Variants in DYSF observed in about 807,000 individuals in gnomAD.
DYSF encodes the protein dystrophy-associated fer-1-like 1.
A neutral mutation model predicts 274.9 loss-of-function variants in DYSF; 212 were observed. The observed-to-expected ratio is 0.77, with a 90% CI of 0.69 to 0.86. The LOEUF (loss-of-function observed/expected upper bound fraction) is 0.86, where lower values mean the gene tolerates loss of function less well. Among genes scored for constraint, DYSF ranks in the 40% least tolerant of loss-of-function variants. The pLI is 0.00. For missense variants in DYSF, 2,666 were observed against 2,783.2 expected (o/e 0.96, Z 0.95); for synonymous variants, 1,091 against 1,078.7 (o/e 1.01, Z -0.22).
intron 3 of DYSF, among the ~76,000 whole-genome samples, chr2:71,492,878 TTTTG>T (rs960420851): frequency 3.3e-5 from 5 of 151,998 alleles, no homozygotes; most frequent in Admixed American, 6.6e-5. Context: ...TGCCATACTT[TTTTG>T]TTTGTTTGTT....
chr2:71,490,416 T>G (rs989634633), intron 3 of DYSF, among the ~76,000 whole-genome samples: 1 of 152,210 alleles, frequency 6.6e-6, no homozygotes, highest in African/African-American at 2.4e-5. Flanking sequence ...CTCAGCTCAC[T>G]GCAACCTCCG....
intron 17 of DYSF, among the ~76,000 whole-genome samples, chr2:71,540,125 T>C (rs2089791184): frequency 6.6e-6 from 1 of 151,312 alleles, no homozygotes; most frequent in Non-Finnish European, 1.5e-5. Context: ...TTTTTTTTTT[T>C]TTTTGAGATG....
rs1013326119 is a variant in DYSF, at chr2:71,467,021, C to T, written c.91+88C>T. The stretch of plus-strand genomic sequence containing the variant: ...CGGGTCTGAAGCCCCTGCTCCGGAG[C>T]TAACCCTAGTCCAGGCCACAGTTTC... On this transcript the variant is annotated intron_variant, in intron 1 of 55. Coordinates refer to ENST00000410020, the MANE Select transcript of DYSF (RefSeq NM_001130987.2). 411 of 1,501,610 alleles carry T rather than the reference C, an allele frequency of 2.7e-4. 1 individual carries two copies. Among genetic ancestry groups the T allele is most frequent in the Middle Eastern group, 8.5e-4 (5 of 5,850 alleles). The allele number at this position is 1,501,610 out of a possible 1,614,324, so 93.0% of individuals were successfully genotyped here. A position where few individuals can be genotyped will look rare whatever the true frequency, so the allele number is the denominator to read the frequency against.
chr2:71,505,708 G>A (rs1189062230), intron 4 of DYSF, among the ~76,000 whole-genome samples: 2 of 152,242 alleles, frequency 1.3e-5, no homozygotes. Flanking sequence ...AGGCCATGGG[G>A]ATTTAGGACA....
intron 24 of DYSF, 109 bp downstream of exon 24, chr2:71,564,322 T>C: frequency 6.7e-7 from 1 of 1,491,228 alleles, no homozygotes; most frequent in African/African-American, 1.4e-5. Flanking sequence ...GTTCTTAGGC[T>C]GTGGTCTTGG....
At chr2:71,556,598 T>C (rs2091358180) in intron 22 of DYSF, among the ~76,000 whole-genome samples, 1 of 152,178 alleles carries the variant, frequency 6.6e-6, no homozygotes, top group Admixed American at 6.5e-5. Context: ...TTTTCTCAAC[T>C]TCAACCTGGC....
chr2:71,550,947 G>A (rs2090899878), intron 17 of DYSF, 94 bp from the exon 18 acceptor site: 2 of 1,055,870 alleles, frequency 1.9e-6, no homozygotes, highest in East Asian at 2.4e-5. Flanking sequence ...GGGGAACTGA[G>A]GGCCAGGGGT....
At position 71,620,277 on chromosome 2, in the gene DYSF, C is replaced by T. The variant is rs543202783; in HGVS notation, c.4465-270C>T. ...CCTTGTGCTGGGCGTGCACAGCCTT[C>T]GTCTCATTCATACTCACTGTCGCCC... is the stretch of plus-strand genomic sequence containing the variant. On this transcript the variant is annotated intron_variant, in intron 40 of 55. Coordinates refer to ENST00000410020, the MANE Select transcript of DYSF (RefSeq NM_001130987.2). 1.4e-3 allele frequency among the ~76,000 whole-genome samples: 208 copies of T among 152,306 alleles called. 1 individual carries two copies. Among genetic ancestry groups the T allele is most frequent in the African/African-American group, 4.7e-3 (195 of 41,562 alleles).
At chr2:71,614,660 AG>A (rs910683182) in intron 40 of DYSF, among the ~76,000 whole-genome samples, 1 of 152,172 alleles carries the variant, frequency 6.6e-6, no homozygotes, top group African/African-American at 2.4e-5. Flanking sequence ...GGCTAAGCTC[AG>A]GGGAGCAACT....
chr2:71,571,445 C>A (rs973368787), intron 29 of DYSF, among the ~76,000 whole-genome samples: 1 of 82,342 alleles, frequency 1.2e-5, no homozygotes, highest in African/African-American at 3.8e-5. Flanking sequence ...CAGATCACAC[C>A]CAGCACACAC....
chr2:71,537,463 C>A (rs760830888), intron 16 of DYSF, among the ~76,000 whole-genome samples: 2 of 152,040 alleles, frequency 1.3e-5, no homozygotes, highest in African/African-American at 2.4e-5. Flanking sequence ...CCAGGCTGGT[C>A]TTGAACTCCT....
At position 71,570,589 on chromosome 2, in the gene DYSF, C is replaced by T. The variant is rs894186211; in HGVS notation, c.3086-10C>T. On this transcript the variant is annotated splice_polypyrimidine_tract_variant and intron_variant, in intron 28 of 55. Transcript: ENST00000410020. ...GCCAAGCAATGAGTGACCGGTTCCC[C>T]CTCCCCCAGGCTGGGAGTATAGCAT... is the stretch of plus-strand genomic sequence containing the variant. The T allele has an allele frequency of 3.1e-6, 5 of 1,613,246 alleles. No homozygotes were observed. Among genetic ancestry groups the T allele is most frequent in the East Asian group, 2.2e-5 (1 of 44,830 alleles).
At chr2:71,520,579 C>T (rs544712746) in intron 11 of DYSF, among the ~76,000 whole-genome samples, 115 of 152,326 alleles carry the variant, frequency 7.5e-4, no homozygotes, top group Middle Eastern at 3.4e-3. Flanking sequence ...TTGGCTCTGC[C>T]AGCCTCTTAC....
intron 53 of DYSF, 39 bp from the exon 54 acceptor site, chr2:71,680,962 G>A (rs1440794879): frequency 6.3e-7 from 1 of 1,588,740 alleles, no homozygotes; most frequent in South Asian, 1.1e-5. Flanking sequence ...ACTGAGCAGA[G>A]CCTTCGTGCC....
chr2:71,657,742 C>G (rs1486621342), intron 43 of DYSF, among the ~76,000 whole-genome samples: 2 of 152,190 alleles, frequency 1.3e-5, no homozygotes, highest in African/African-American at 4.8e-5. Context: ...CCCTTTCAGC[C>G]ACGGTTGGAG....
chr2:71,553,257 C>T (rs188774539), intron 20 of DYSF, 69 bp downstream of exon 20: 87 of 1,604,538 alleles, frequency 5.4e-5, no homozygotes, highest in African/African-American at 2.8e-4. Context: ...CCTTAAATCC[C>T]GCCTCCCATG....
At chr2:71,606,782 G>A (rs1241568547) in intron 36 of DYSF, among the ~76,000 whole-genome samples, 1 of 152,150 alleles carries the variant, frequency 6.6e-6, no homozygotes, top group African/African-American at 2.4e-5. Context: ...CTAAAAATGG[G>A]TTAGATTCAG....
Position 71,555,899 on chromosome 2 carries a change from G to A in DYSF, c.2110-66G>A, listed in dbSNP as rs1016937309. ...TCAGTAGCAGTGACAAGGCCTGGGG[G>A]TTGGGTCCAGCATGCACCCTCTGCC... On this transcript the variant is annotated intron_variant, in intron 21 of 55. Coordinates refer to ENST00000410020, the MANE Select transcript of DYSF (RefSeq NM_001130987.2). 4 of 1,291,106 alleles carry A rather than the reference G, an allele frequency of 3.1e-6. No individual in the cohort carries two copies. In the African/African-American group the frequency reaches 5.9e-5, roughly 19 times the overall value. 80.0% of individuals were successfully genotyped at this position (1,291,106 alleles called of 1,614,324 possible). A position where few individuals can be genotyped will look rare whatever the true frequency, so the allele number is the denominator to read the frequency against.
At chr2:71,579,387 C>T (rs1054363754) in intron 30 of DYSF, among the ~76,000 whole-genome samples, 9 of 152,152 alleles carry the variant, frequency 5.9e-5, no homozygotes, top group African/African-American at 2.2e-4. Context: ...ATTTTTGCTG[C>T]TGGAAGAAAC....
Sources: gnomAD v4.1 joint callset for allele counts (sites outside exome capture counted in the v4.1 genomes callset) on GRCh38, gnomAD v4.1.1 for gene constraint, MANE v1.5 for transcripts, NCBI Gene and HGNC (gene_info 2026-07-23, HGNC 2026-07-21) for gene names.